SLC8A1: variants seen among roughly 807,000 people sequenced by gnomAD.
The protein encoded by SLC8A1 is solute carrier family 8 member A1.
Under a neutral mutation model 68.3 loss-of-function variants are expected in SLC8A1, and 18 were observed. The observed-to-expected ratio is 0.26, with a 90% CI of 0.18 to 0.39. The LOEUF (loss-of-function observed/expected upper bound fraction) is 0.39, where lower values mean the gene tolerates loss of function less well. SLC8A1 is among the 10% of genes least tolerant of loss of function. SLC8A1 has a pLI of 1.00. For synonymous variants in SLC8A1, 475 were observed against 415.5 expected, an observed-to-expected ratio of 1.14 and a Z score of -1.74; for missense variants, 985 against 1,156.7, an observed-to-expected ratio of 0.85 and a Z score of 2.15.
chr2:40,278,798 C>T (rs1395739423), intron 2 of SLC8A1, among the ~76,000 whole-genome samples: 1 of 152,050 alleles, frequency 6.6e-6, no homozygotes, highest in African/African-American at 2.4e-5. Flanking sequence ...AAAACAGAAA[C>T]CCCCACTTGA....
At chr2:40,229,464 G>C (rs755892312) in intron 2 of SLC8A1, among the ~76,000 whole-genome samples, 1 of 152,040 alleles carries the variant, frequency 6.6e-6, no homozygotes, top group Non-Finnish European at 1.5e-5. Flanking sequence ...AAGCTGAATA[G>C]AACTTGTCCT....
At chr2:40,410,308 C>T (rs954565732) in intron 2 of SLC8A1, among the ~76,000 whole-genome samples, 2 of 152,078 alleles carry the variant, frequency 1.3e-5, no homozygotes, top group African/African-American at 4.8e-5. Flanking sequence ...TGACCTGTTA[C>T]TGGCCAAATT....
intron 2 of SLC8A1, among the ~76,000 whole-genome samples, chr2:40,249,753 G>A (rs1044717286): frequency 3.3e-5 from 5 of 152,014 alleles, no homozygotes; most frequent in Admixed American, 1.3e-4. Flanking sequence ...AATACTGAGA[G>A]GACTGACAAG....
At chr2:40,137,116 G>A (rs1296642957) in intron 7 of SLC8A1, among the ~76,000 whole-genome samples, 1 of 152,078 alleles carries the variant, frequency 6.6e-6, no homozygotes, top group African/African-American at 2.4e-5. Context: ...TAAACATGAA[G>A]GTTTGCTGTA....
chr2:40,312,993 A>G (rs1235455026), intron 2 of SLC8A1, among the ~76,000 whole-genome samples: 1 of 152,104 alleles, frequency 6.6e-6, no homozygotes, highest in East Asian at 1.9e-4. Context: ...ATGTATACAT[A>G]TGCTGCATAT....
chr2:40,403,312 A>C (rs983471125), intron 2 of SLC8A1, among the ~76,000 whole-genome samples: 4 of 152,210 alleles, frequency 2.6e-5, no homozygotes, highest in African/African-American at 9.6e-5. Context: ...TAATTACTTA[A>C]GGAGGAAATG....
At chr2:40,385,361 G>A (rs1683228088) in intron 2 of SLC8A1, among the ~76,000 whole-genome samples, 1 of 151,424 alleles carries the variant, frequency 6.6e-6, no homozygotes, top group Admixed American at 6.6e-5. Flanking sequence ...AAGTTGTCTT[G>A]AATACTGGAT....
intron 2 of SLC8A1, among the ~76,000 whole-genome samples, chr2:40,301,883 G>A (rs1344608735): frequency 1.3e-5 from 2 of 151,778 alleles, no homozygotes; most frequent in African/African-American, 4.8e-5. Context: ...TTTTTTTTGA[G>A]ATGGAGTCTT....
intron 2 of SLC8A1, among the ~76,000 whole-genome samples, chr2:40,187,107 C>T (rs551363983): frequency 6.6e-6 from 1 of 152,038 alleles, no homozygotes; most frequent in East Asian, 1.9e-4. Context: ...ATAAGCAATA[C>T]CCTCAAATCC....
At chr2:40,424,649 AAT>A (rs2149763125) in intron 2 of SLC8A1, among the ~76,000 whole-genome samples, 1 of 151,998 alleles carries the variant, frequency 6.6e-6, no homozygotes, top group South Asian at 2.1e-4. Context: ...CCCGTTGTTT[AAT>A]ATGTTATACT....
chr2:40,481,115 T>G (rs34144937), intron 1 of SLC8A1, among the ~76,000 whole-genome samples: 18,695 of 152,186 alleles, frequency 0.12, 2,012 homozygotes, highest in East Asian at 0.35. Flanking sequence ...TTGTGTGTGT[T>G]TATGTGTAAG....
At chr2:40,488,606 C>G (rs1705119318) in intron 1 of SLC8A1, among the ~76,000 whole-genome samples, 1 of 151,934 alleles carries the variant, frequency 6.6e-6, no homozygotes. Context: ...GTTTAAGTGA[C>G]CAAAGAGTTG....
At chr2:40,485,812 A>G (rs1704931830) in intron 1 of SLC8A1, among the ~76,000 whole-genome samples, 2 of 152,076 alleles carry the variant, frequency 1.3e-5, no homozygotes, top group Non-Finnish European at 2.9e-5. Context: ...TATATGTAGC[A>G]TTTTTTTTGG....
At chr2:40,156,120 G>A (rs889671776) in intron 6 of SLC8A1, among the ~76,000 whole-genome samples, 1 of 152,196 alleles carries the variant, frequency 6.6e-6, no homozygotes, top group Non-Finnish European at 1.5e-5. Context: ...GCCAGAGGAT[G>A]GGCAAGATAT....
At chr2:40,289,038 A>T (rs1303405533) in intron 2 of SLC8A1, among the ~76,000 whole-genome samples, 1 of 151,724 alleles carries the variant, frequency 6.6e-6, no homozygotes, top group Non-Finnish European at 1.5e-5. Context: ...ATATTATCCT[A>T]TGTTCTATAA....
At chr2:40,154,753 C>G (rs2148407432) in intron 6 of SLC8A1, among the ~76,000 whole-genome samples, 1 of 152,236 alleles carries the variant, frequency 6.6e-6, no homozygotes, top group African/African-American at 2.4e-5. Context: ...CAGCCTTGAA[C>G]TCCTGGGCTC....
In SLC8A1 at chr2:40,121,193, C is replaced by G. The variant is rs151224939; in HGVS notation, c.2438-5564G>C. ...GGCATCCCTGCTAGATCCACTTAAT[C>G]AGACTCTCTGAGGACGGGATACAGA... On this transcript the variant is annotated intron_variant, in intron 7 of 7. Coordinates refer to ENST00000406785, the Ensembl canonical transcript of SLC8A1. 9.5e-3 allele frequency among the ~76,000 whole-genome samples: 1,445 copies of G among 152,272 alleles called. 11 individuals carry two copies. Among genetic ancestry groups the G allele is most frequent in the Middle Eastern group, 0.017 (5 of 294 alleles).
intron 2 of SLC8A1, among the ~76,000 whole-genome samples, chr2:40,191,681 C>G (rs925576499): frequency 1.3e-5 from 2 of 152,124 alleles, no homozygotes; most frequent in African/African-American, 4.8e-5. Flanking sequence ...TGAGCAATTC[C>G]TGGGTTAATT....
intron 2 of SLC8A1, among the ~76,000 whole-genome samples, chr2:40,355,687 A>G (rs1672451812): frequency 2.0e-5 from 3 of 152,026 alleles, no homozygotes; most frequent in Non-Finnish European, 4.4e-5. Flanking sequence ...AGCTCGCTTT[A>G]ATTTGTAGTC....
Sources: gnomAD v4.1 joint callset for allele counts (sites outside exome capture counted in the v4.1 genomes callset) on GRCh38, gnomAD v4.1.1 for gene constraint, MANE v1.5 for transcripts, NCBI Gene and HGNC (gene_info 2026-07-23, HGNC 2026-07-21) for gene names.